The following TNFSF4 variants were observed in gnomAD, a reference collection of about 807,000 sequenced individuals.
TNFSF4 encodes tumor necrosis factor ligand superfamily member 4.
Under a neutral mutation model 7.3 loss-of-function variants are expected in TNFSF4, and 4 were observed. That is an observed-to-expected ratio of 0.55 (90% CI 0.27 to 1.25). The LOEUF (loss-of-function observed/expected upper bound fraction) is 1.25, where lower values mean the gene tolerates loss of function less well. Ranked by LOEUF, TNFSF4 falls within the 50% of genes most tolerant of loss-of-function variation. The pLI, the probability that TNFSF4 is intolerant of heterozygous loss-of-function variation, is 0.12. For synonymous variants in TNFSF4, 76 were observed against 83.7 expected, an observed-to-expected ratio of 0.91 and a Z score of 0.50; for missense variants, 181 against 208.8, an observed-to-expected ratio of 0.87 and a Z score of 0.82.
chr1:173,262,879 C>G, the TNFSF4 span, among the ~76,000 whole-genome samples: 1 of 152,136 alleles, frequency 6.6e-6, no homozygotes, highest in African/African-American at 2.4e-5. Flanking sequence ...GGATTACAGG[C>G]GTGAGCCACC....
the TNFSF4 span, among the ~76,000 whole-genome samples, chr1:173,359,447 A>C: frequency 1.8e-5 from 2 of 110,838 alleles, no homozygotes; most frequent in Non-Finnish European, 3.7e-5. Context: ...TAAGAGTTTT[A>C]TATTTAAAAA....
the TNFSF4 span, among the ~76,000 whole-genome samples, chr1:173,315,740 A>T: frequency 2.6e-5 from 4 of 152,052 alleles, no homozygotes; most frequent in Admixed American, 1.3e-4. Flanking sequence ...ATTGTGTCAG[A>T]TTGTTTATTT....
chr1:173,310,720 G>A, the TNFSF4 span, among the ~76,000 whole-genome samples: 1 of 149,424 alleles, frequency 6.7e-6, no homozygotes, highest in South Asian at 2.1e-4. Context: ...AGAAATATAT[G>A]TTAAAAACCT....
At chr1:173,305,452 A>G in the TNFSF4 span, among the ~76,000 whole-genome samples, 2 of 151,898 alleles carry the variant, frequency 1.3e-5, no homozygotes. Context: ...TTTCCGTTCA[A>G]GCATTTGTGA....
chr1:173,302,886 A>G, the TNFSF4 span, among the ~76,000 whole-genome samples: 1 of 151,858 alleles, frequency 6.6e-6, no homozygotes, highest in South Asian at 2.1e-4. Flanking sequence ...CCTTTGAAAA[A>G]CAGTTTTAAG....
At chr1:173,270,290 C>T in the TNFSF4 span, among the ~76,000 whole-genome samples, 3 of 152,006 alleles carry the variant, frequency 2.0e-5, no homozygotes, top group African/African-American at 4.8e-5. Flanking sequence ...AGGGAGAGGT[C>T]GAGGCTGGGA....
At chr1:173,413,404 T>G in the TNFSF4 span, among the ~76,000 whole-genome samples, 1 of 152,210 alleles carries the variant, frequency 6.6e-6, no homozygotes, top group African/African-American at 2.4e-5. Context: ...CTGCTTTTAA[T>G]TGTTTGGGGA....
the TNFSF4 span, among the ~76,000 whole-genome samples, chr1:173,409,795 G>C: frequency 6.6e-6 from 1 of 152,188 alleles, no homozygotes; most frequent in African/African-American, 2.4e-5. Context: ...GGAGGATGAA[G>C]GGGAAGTGGT....
downstream of TNFSF4, among the ~76,000 whole-genome samples, chr1:173,180,552 A>C (rs941483564): frequency 1.4e-4 from 21 of 152,204 alleles, no homozygotes; most frequent in African/African-American, 5.1e-4. Context: ...AAATTATTTT[A>C]GACTTTCAAA....
chr1:173,362,472 C>G, the TNFSF4 span: 1 of 526,616 alleles, frequency 1.9e-6, no homozygotes, highest in Non-Finnish European at 3.8e-6. Flanking sequence ...GCTTCTCTAC[C>G]TTCTGTTTCT....
intron 2 of TNFSF4, among the ~76,000 whole-genome samples, chr1:173,188,109 C>T (rs1176124391): frequency 6.6e-6 from 1 of 152,192 alleles, no homozygotes; most frequent in Non-Finnish European, 1.5e-5. Context: ...TTTATTCTAT[C>T]AAGGGCTTCC....
chr1:173,295,696 T>C, the TNFSF4 span, among the ~76,000 whole-genome samples: 2 of 152,040 alleles, frequency 1.3e-5, no homozygotes, highest in African/African-American at 2.4e-5. Context: ...GCTCTGTCAC[T>C]GTGAGCTTCA....
the TNFSF4 span, among the ~76,000 whole-genome samples, chr1:173,442,548 T>TTG: frequency 7.8e-6 from 1 of 127,462 alleles, no homozygotes; most frequent in Non-Finnish European, 1.7e-5. Context: ...CGTTTTTGTT[T>TTG]TTGTTTTTTT....
chr1:173,238,081 T>G, the TNFSF4 span, among the ~76,000 whole-genome samples: 1 of 152,066 alleles, frequency 6.6e-6, no homozygotes. Flanking sequence ...TGGAACAGAA[T>G]AGACAGCCCA....
intron 1 of TNFSF4, among the ~76,000 whole-genome samples, chr1:173,200,011 A>T (rs1221066403): frequency 6.6e-6 from 1 of 152,224 alleles, no homozygotes; most frequent in East Asian, 1.9e-4. Flanking sequence ...AGCTTTGTTG[A>T]TTATGTTATC....
chr1:173,356,757 A>G, the TNFSF4 span, among the ~76,000 whole-genome samples: 1 of 152,216 alleles, frequency 6.6e-6, no homozygotes, highest in Admixed American at 6.5e-5. Flanking sequence ...TTTCTAGCTC[A>G]TGAGTCTAGC....
the TNFSF4 span, among the ~76,000 whole-genome samples, chr1:173,299,459 G>C: frequency 1.3e-5 from 2 of 151,804 alleles, no homozygotes; most frequent in African/African-American, 4.8e-5. Context: ...ACTTGTGACT[G>C]TTTTGCATTT....
At chr1:173,267,896 G>A in the TNFSF4 span, among the ~76,000 whole-genome samples, 1 of 137,260 alleles carries the variant, frequency 7.3e-6, no homozygotes, top group Non-Finnish European at 1.6e-5. Context: ...GAGAGCAGAG[G>A]AGAGGAGAGG....
At chr1:173,352,763 G>A in the TNFSF4 span, among the ~76,000 whole-genome samples, 2 of 138,592 alleles carry the variant, frequency 1.4e-5, no homozygotes, top group African/African-American at 2.7e-5. Flanking sequence ...TTGCCAGGCT[G>A]GAATTTCCTA....
Sources: allele counts gnomAD v4.1 joint callset (sites outside exome capture counted in the v4.1 genomes callset), GRCh38; gene constraint gnomAD v4.1.1; transcripts MANE v1.5; gene names NCBI Gene and HGNC (gene_info 2026-07-23, HGNC 2026-07-21).